Variants in CFAP44 observed in about 807,000 individuals in gnomAD.
The protein encoded by CFAP44 is cilia- and flagella-associated protein 44.
In CFAP44, 134 loss-of-function variants were observed where a neutral mutation model predicts 216.2. The ratio of observed to expected loss-of-function variants is 0.62; its 90% CI spans 0.54 to 0.72. CFAP44 has a LOEUF of 0.72. Among genes scored for constraint, CFAP44 ranks in the 30% least tolerant of loss-of-function variants. The pLI is 0.00. For synonymous variants in CFAP44, 700 were observed against 727.6 expected (o/e 0.96, Z 0.61); for missense variants, 2,035 against 2,182.1 (o/e 0.93, Z 1.34).
In CFAP44 at chr3:113,327,624, A is replaced by T; in HGVS notation, c.4312T>A (p.Tyr1438Asn). Residue 1438 changes from tyrosine to asparagine, a missense_variant, in exon 27 of 35, where the codon TAC becomes AAC. Around this residue, in one of 3 missense-constraint regions of CFAP44, gnomAD observed 1,883 missense variants for 2,023.7 expected, o/e 0.93. Transcript: ENST00000393845. ...CTTCTGCCCACTCATACTTGCATGT[A>T]CTGTTCCTCTTTGTCTAAGGAATTA... The part of the protein sequence containing the change: ...RVNSLDKEEQ[Y>N]MQWKINETLK... 6.5e-7 allele frequency: 1 copy of T among 1,536,782 alleles called. No individual in the cohort carries two copies. The highest frequency in any genetic ancestry group is 8.7e-7 in the Non-Finnish European group (1 of 1,146,496).
chr3:113,330,971 G>A (rs1195877950), intron 25 of CFAP44, among the ~76,000 whole-genome samples: 1 of 152,046 alleles, frequency 6.6e-6, no homozygotes, highest in Admixed American at 6.6e-5. Context: ...ATCACTCCAT[G>A]GAAGTCCTTC....
chr3:113,296,998 T>C, intron 32 of CFAP44, 113 bp from the exon 33 acceptor site: 3 of 1,242,962 alleles, frequency 2.4e-6, no homozygotes, highest in Admixed American at 4.0e-5. Context: ...TGAAAGATTT[T>C]ATGCCATCAG....
At chr3:113,299,724 T>C (rs1450172582) in intron 32 of CFAP44, among the ~76,000 whole-genome samples, 2 of 152,192 alleles carry the variant, frequency 1.3e-5, no homozygotes, top group Non-Finnish European at 2.9e-5. Flanking sequence ...GGAGTACTAT[T>C]CAGCCATTAA....
rs759385472 is a variant in CFAP44, at chr3:113,395,880, C to T, written c.1780-20G>A. 2 of 1,560,092 alleles carry T rather than the reference C, an allele frequency of 1.3e-6. No individual in the cohort carries two copies. The highest frequency in any genetic ancestry group is 1.4e-5 in the African/African-American group (1 of 73,444). Reference sequence around the variant, plus strand: ...TTTACTCTAAGGAAAAAGAGACACACCGACGAAATATATATTACTATGAAA... The same window carrying T: ...TTTACTCTAAGGAAAAAGAGACACATCGACGAAATATATATTACTATGAAA... On this transcript the variant is annotated intron_variant, in intron 14 of 34. Transcript: ENST00000393845.
chr3:113,340,542 T>A (rs1006319138), intron 24 of CFAP44, among the ~76,000 whole-genome samples: 1 of 152,160 alleles, frequency 6.6e-6, no homozygotes, highest in African/African-American at 2.4e-5. Context: ...AAAGGTTCCC[T>A]TGTCCCCCTC....
chr3:113,309,364 C>A (rs1282971895), intron 28 of CFAP44, among the ~76,000 whole-genome samples: 2 of 152,190 alleles, frequency 1.3e-5, no homozygotes, highest in Non-Finnish European at 2.9e-5. Context: ...CCACTCTGTT[C>A]CTTGGCTATA....
chr3:113,427,448 A>T (rs1559946890), intron 2 of CFAP44, 109 bp from the exon 3 acceptor site: 7 of 752,006 alleles, frequency 9.3e-6, no homozygotes, highest in Admixed American at 7.0e-5. Context: ...TAAATCTAAT[A>T]CATACTCAAA....
At chr3:113,411,668 A>G (rs953755592) in intron 6 of CFAP44, among the ~76,000 whole-genome samples, 4 of 152,158 alleles carry the variant, frequency 2.6e-5, no homozygotes, top group Non-Finnish European at 4.4e-5. Context: ...GTTTTTTCCA[A>G]TTCTATGAAG....
At chr3:113,407,204 G>A (rs1162627513) in intron 7 of CFAP44, among the ~76,000 whole-genome samples, 163 bp from the exon 8 acceptor site, 1 of 152,140 alleles carries the variant, frequency 6.6e-6, no homozygotes, top group African/African-American at 2.4e-5. Flanking sequence ...TGCCCGGCAA[G>A]GTTGTAGGCA....
At chr3:113,428,051 A>C (rs192209599) in intron 2 of CFAP44, among the ~76,000 whole-genome samples, 1 of 152,242 alleles carries the variant, frequency 6.6e-6, no homozygotes, top group Admixed American at 6.5e-5. Context: ...GGCCAAGCCA[A>C]TTAGTTGCGG....
intron 19 of CFAP44, among the ~76,000 whole-genome samples, chr3:113,365,490 A>G (rs1456869389): frequency 6.6e-6 from 1 of 152,200 alleles, no homozygotes; most frequent in East Asian, 1.9e-4. Flanking sequence ...ACAGGAAAAA[A>G]GGACATAATT....
intron 28 of CFAP44, among the ~76,000 whole-genome samples, chr3:113,325,496 G>A (rs112713396): frequency 0.15 from 22,030 of 151,234 alleles, 1,632 homozygotes; most frequent in African/African-American, 0.18. Context: ...CCAGACTGGA[G>A]TGCAGTGGCA....
chr3:113,375,507 G>A (rs1025961342), intron 17 of CFAP44, among the ~76,000 whole-genome samples: 2 of 152,180 alleles, frequency 1.3e-5, no homozygotes, highest in African/African-American at 4.8e-5. Context: ...TGAGAAGGAT[G>A]TAATACACAT....
chr3:113,350,334 G>A (rs952681059), intron 22 of CFAP44, among the ~76,000 whole-genome samples: 1 of 151,056 alleles, frequency 6.6e-6, no homozygotes, highest in Non-Finnish European at 1.5e-5. Flanking sequence ...GAGAGAAAGA[G>A]ACAGAGAGAC....
chr3:113,383,937 T>TC (rs1468243858), intron 15 of CFAP44, among the ~76,000 whole-genome samples: 1 of 152,034 alleles, frequency 6.6e-6, no homozygotes, highest in African/African-American at 2.4e-5. Flanking sequence ...TGTGTGATGT[T>TC]CCCCTCCCTG....
chr3:113,381,255 TATC>T (rs1933500397), intron 15 of CFAP44, among the ~76,000 whole-genome samples, 195 bp from the exon 16 acceptor site: 1 of 150,946 alleles, frequency 6.6e-6, no homozygotes, highest in Non-Finnish European at 1.5e-5. Context: ...ATTATTGTTA[TATC>T]ATTATTAAGT....
At chr3:113,333,091 C>A (rs1423151456) in intron 25 of CFAP44, among the ~76,000 whole-genome samples, 1 of 152,172 alleles carries the variant, frequency 6.6e-6, no homozygotes, top group Admixed American at 6.5e-5. Context: ...ACCTAGATTA[C>A]CAGATATCCT....
intron 22 of CFAP44, among the ~76,000 whole-genome samples, chr3:113,357,584 C>T (rs563047012): frequency 9.9e-5 from 15 of 152,254 alleles, no homozygotes; most frequent in Middle Eastern, 3.4e-3. Flanking sequence ...AACCAACTTG[C>T]CTGACACTTT....
chr3:113,366,177 T>C lies in CFAP44; in HGVS notation c.2577A>G (p.Gly859=). ...WHFNMHDNNY[G]CIKSIANSFD... Reference sequence around the variant, plus strand: ...AGCTATTAGCAATACTTTTAATACATCCATAATTATTGTCATGCATATTGA... The same window carrying C: ...AGCTATTAGCAATACTTTTAATACACCCATAATTATTGTCATGCATATTGA... The change falls in exon 19 of 35, where the codon GGA becomes GGG. Residue 859 remains glycine (G), a synonymous_variant. Coordinates refer to ENST00000393845, the MANE Select transcript of CFAP44 (RefSeq NM_001164496.2). 1.9e-6 allele frequency: 3 copies of C among 1,614,088 alleles called. No individual in the cohort carries two copies. Among genetic ancestry groups the C allele is most frequent in the Non-Finnish European group, 2.5e-6 (3 of 1,179,998 alleles).
Sources: allele counts gnomAD v4.1 joint callset (sites outside exome capture counted in the v4.1 genomes callset), GRCh38; gene constraint gnomAD v4.1.1; regional missense constraint gnomAD v4.1.1; transcripts MANE v1.5; gene names NCBI Gene and HGNC (gene_info 2026-07-23, HGNC 2026-07-21).